Variants in NKTR observed in about 807,000 individuals in gnomAD.
NKTR encodes natural killer cell triggering receptor.
Under a neutral mutation model 156.3 loss-of-function variants are expected in NKTR, and 67 were observed. The observed-to-expected ratio is 0.43, with a 90% CI of 0.35 to 0.53. The LOEUF is 0.53. Among genes scored for constraint, NKTR ranks in the 20% least tolerant of loss-of-function variants. NKTR has a pLI of 0.01. For synonymous variants in NKTR, 640 were observed against 596.6 expected (o/e 1.07, Z -1.06); for missense variants, 1,604 against 1,730.9 (o/e 0.93, Z 1.30).
chr3:42,628,894 C>G (rs534810166), intron 6 of NKTR: 5 of 242,544 alleles, frequency 2.1e-5, no homozygotes, highest in African/African-American at 1.2e-4. Flanking sequence ...CCCAGCTACT[C>G]AGGAGGCTGA....
chr3:42,635,011 CTTG>C (rs1553667133), intron 11 of NKTR: 1 of 440,618 alleles, frequency 2.3e-6, no homozygotes, highest in Non-Finnish European at 4.0e-6. Flanking sequence ...CTTTTAATGC[CTTG>C]TTTGAAATAA....
In NKTR at chr3:42,631,048, CAACA is replaced by C. The variant is rs1261697905; in HGVS notation, c.405-118_405-115del. The C allele has an allele frequency of 9.0e-6, 13 of 1,449,270 alleles. No individual in the cohort carries two copies. The Admixed American group carries it at 1.7e-4, about 19-fold the overall frequency. 89.8% of individuals were successfully genotyped at this position (1,449,270 alleles called of 1,614,324 possible). A position where few individuals can be genotyped will look rare whatever the true frequency, so the allele number is the denominator to read the frequency against. On this transcript the variant is annotated intron_variant, in intron 7 of 16. Coordinates refer to ENST00000232978, the MANE Select transcript of NKTR (RefSeq NM_005385.4). ...CTCATTCCATTCTAGTTGCTTCATA[CAACA>C]AACAGTTTGGTTTTATTTTCAGGTC...
chr3:42,621,594 C>G (rs1331054469), intron 6 of NKTR, 78 bp downstream of exon 6: 13 of 1,429,090 alleles, frequency 9.1e-6, no homozygotes, highest in Non-Finnish European at 1.1e-5. Context: ...ATAGTTAAAC[C>G]AAGTTTAATG....
chr3:42,639,796 ATTG>A, intron 13 of NKTR, 46 bp downstream of exon 13: 2 of 1,295,356 alleles, frequency 1.5e-6, no homozygotes, highest in Non-Finnish European at 2.2e-6. Context: ...AGAGTCTGTT[ATTG>A]TTTAGCTTGG....
intron 6 of NKTR, chr3:42,628,423 G>T: frequency 1.0e-6 from 1 of 985,310 alleles, no homozygotes; most frequent in Non-Finnish European, 1.2e-6. Flanking sequence ...GTATGTTGCT[G>T]CATCGCTACA....
At chr3:42,621,286 A>G (rs1707878893) in intron 5 of NKTR, 143 bp from the exon 6 acceptor site, 5 of 1,337,096 alleles carry the variant, frequency 3.7e-6, no homozygotes, top group Non-Finnish European at 4.8e-6. Context: ...ATTAGCTTAA[A>G]TTTTTCTTTT....
At chr3:42,616,486 C>T (rs934745352) in intron 2 of NKTR, among the ~76,000 whole-genome samples, 8 of 152,152 alleles carry the variant, frequency 5.3e-5, no homozygotes, top group African/African-American at 1.9e-4. Context: ...TATCACTGCC[C>T]TGACACCTAA....
chr3:42,624,892 T>C (rs1489008716), intron 6 of NKTR, among the ~76,000 whole-genome samples: 1 of 152,152 alleles, frequency 6.6e-6, no homozygotes, highest in African/African-American at 2.4e-5. Flanking sequence ...AGATGTTGTA[T>C]AAAATAGTCA....
At chr3:42,642,056 C>T (rs1232211979) in intron 13 of NKTR, among the ~76,000 whole-genome samples, 1 of 152,058 alleles carries the variant, frequency 6.6e-6, no homozygotes, top group African/African-American at 2.4e-5. Flanking sequence ...AAGTAAAATA[C>T]TTTTATATAT....
chr3:42,602,034 CAG>C (rs1245358307), intron 2 of NKTR: 1 of 152,078 alleles, frequency 6.6e-6, no homozygotes, highest in Non-Finnish European at 1.5e-5. Context: ...AAGCAGGTAT[CAG>C]AAGGAGATGA....
intron 6 of NKTR, among the ~76,000 whole-genome samples, chr3:42,625,144 T>C (rs1708256155): frequency 1.3e-5 from 2 of 152,178 alleles, no homozygotes; most frequent in African/African-American, 4.8e-5. Flanking sequence ...TAGTCATAAT[T>C]GCCTAGTTTT....
In NKTR at chr3:42,637,462, A is replaced by G. The variant is rs911077315; in HGVS notation, c.1758A>G (p.Arg586=). 6.2e-7 allele frequency: 1 copy of G among 1,613,452 alleles called. No homozygotes were observed. Among genetic ancestry groups the G allele is most frequent in the Admixed American group, 1.7e-5 (1 of 59,890 alleles). The change falls in exon 13 of 17, where the codon AGA becomes AGG. Residue 586 remains arginine, a synonymous_variant. Transcript: ENST00000232978. The part of the protein sequence containing the change: ...ENKPVKTEPL[R]ATMAQNENVV... Reference sequence around the variant, plus strand: ...AACCAGTTAAAACAGAACCTTTAAGAGCAACCATGGCACAAAATGAAAATG... The same window carrying G: ...AACCAGTTAAAACAGAACCTTTAAGGGCAACCATGGCACAAAATGAAAATG...
intron 11 of NKTR, 137 bp downstream of exon 11, chr3:42,634,837 A>C: frequency 1.7e-6 from 1 of 577,808 alleles, no homozygotes; most frequent in Admixed American, 3.5e-5. Context: ...GGTTATGGGA[A>C]GGTATTGCTG....
chr3:42,637,802 A>G lies in NKTR; in HGVS notation c.2098A>G (p.Arg700Gly), dbSNP rs143259471. Residue 700 changes from arginine to glycine, a missense_variant, in exon 13 of 17, where the codon AGA becomes GGA. Transcript: ENST00000232978. Reference protein sequence around the residue: ...PRSRSRSSRSRSYSRSYTRSR... With the variant: ...PRSRSRSSRSGSYSRSYTRSR... The stretch of plus-strand genomic sequence containing the variant: ...GTCAAGGAGCAGATCTTCTAGGAGT[A>G]GATCTTATTCCAGATCATATACAAG... 1.9e-6 allele frequency: 3 copies of G among 1,613,840 alleles called. No individual in the cohort carries two copies. Among genetic ancestry groups the G allele is most frequent in the Non-Finnish European group, 2.5e-6 (3 of 1,179,944 alleles).
At chr3:42,634,212 A>G (rs1055755275) in intron 10 of NKTR, among the ~76,000 whole-genome samples, 8 of 152,258 alleles carry the variant, frequency 5.3e-5, no homozygotes, top group Non-Finnish European at 8.8e-5. Context: ...TTGTTCAACA[A>G]TTACTTCCTG....
chr3:42,644,371 CATAAT>C (rs1710180766), intron 16 of NKTR, among the ~76,000 whole-genome samples: 2 of 152,066 alleles, frequency 1.3e-5, no homozygotes, highest in Non-Finnish European at 2.9e-5. Context: ...TAAAAAAATA[CATAAT>C]ATAATTTGCT....
intron 2 of NKTR, among the ~76,000 whole-genome samples, chr3:42,604,402 A>G (rs1306224986): frequency 6.6e-6 from 1 of 151,842 alleles, no homozygotes; most frequent in Non-Finnish European, 1.5e-5. Flanking sequence ...GACAGTCTCA[A>G]ATGACTTTTA....
At chr3:42,623,462 C>A (rs530470667) in intron 6 of NKTR, among the ~76,000 whole-genome samples, 1 of 152,110 alleles carries the variant, frequency 6.6e-6, no homozygotes, top group African/African-American at 2.4e-5. Context: ...AGTATACTTT[C>A]TTTATGCTGG....
At chr3:42,616,287 G>A (rs529676268) in intron 2 of NKTR, among the ~76,000 whole-genome samples, 90 of 152,304 alleles carry the variant, frequency 5.9e-4, no homozygotes, top group Admixed American at 4.0e-3. Context: ...TAGAATAAAG[G>A]GGAAAGGAAC....
Sources: allele counts gnomAD v4.1 joint callset (sites outside exome capture counted in the v4.1 genomes callset), GRCh38; gene constraint gnomAD v4.1.1; transcripts MANE v1.5; gene names NCBI Gene and HGNC (gene_info 2026-07-23, HGNC 2026-07-21).